JAKMIP2: variants seen among roughly 807,000 people sequenced by gnomAD.
The protein encoded by JAKMIP2 is janus kinase and microtubule interacting protein 2, also known as janus kinase and microtubule-interacting protein 2.
Under a neutral mutation model 115.0 loss-of-function variants are expected in JAKMIP2, and 25 were observed. That is an observed-to-expected ratio of 0.22 (90% confidence interval 0.16 to 0.30). JAKMIP2 has a LOEUF of 0.30. Ranked by LOEUF, JAKMIP2 falls within the 10% of genes least tolerant of loss-of-function variation. The pLI is 1.00. For missense variants in JAKMIP2, 642 were observed against 957.6 expected, an observed-to-expected ratio of 0.67 and a Z score of 4.35; for synonymous variants, 334 against 343.6, an observed-to-expected ratio of 0.97 and a Z score of 0.31.
At chr5:147,729,683 A>G (rs1753653129) in intron 1 of JAKMIP2, among the ~76,000 whole-genome samples, 1 of 151,514 alleles carries the variant, frequency 6.6e-6, no homozygotes, top group Admixed American at 6.6e-5. Context: ...CTGAGGCAGG[A>G]GAATGGTGTG....
intron 14 of JAKMIP2, 106 bp downstream of exon 14, chr5:147,631,307 A>C: frequency 3.2e-6 from 2 of 619,036 alleles, no homozygotes; most frequent in East Asian, 2.8e-5. Context: ...TATCAAAATG[A>C]TGACATCCAG....
intron 1 of JAKMIP2, among the ~76,000 whole-genome samples, chr5:147,763,349 GA>G (rs1461715040): frequency 1.3e-5 from 2 of 152,114 alleles, no homozygotes; most frequent in African/African-American, 4.8e-5. Flanking sequence ...AACACAGACA[GA>G]AGACAGGGAA....
chr5:147,743,999 T>TTCC (rs1754251536), intron 1 of JAKMIP2, among the ~76,000 whole-genome samples: 9 of 111,984 alleles, frequency 8.0e-5, no homozygotes, highest in Non-Finnish European at 1.3e-4. Flanking sequence ...TCCTAACTTC[T>TTCC]TTCCTTCCTT....
chr5:147,767,139 A>T (rs1755184169), intron 1 of JAKMIP2, among the ~76,000 whole-genome samples: 1 of 152,198 alleles, frequency 6.6e-6, no homozygotes, highest in Admixed American at 6.5e-5. Context: ...TACAGCTTGA[A>T]TTTAATGACC....
intron 1 of JAKMIP2, among the ~76,000 whole-genome samples, chr5:147,764,344 A>T (rs77407180): frequency 0.01 from 1,584 of 152,202 alleles, 28 homozygotes; most frequent in African/African-American, 0.037. Flanking sequence ...CACAAGTATG[A>T]CAGGAATTCA....
At chr5:147,602,602 C>G (rs1333162341) in intron 20 of JAKMIP2, among the ~76,000 whole-genome samples, 1 of 152,142 alleles carries the variant, frequency 6.6e-6, no homozygotes, top group Non-Finnish European at 1.5e-5. Flanking sequence ...ACTTGAGAAA[C>G]AGATAATTGG....
Position 147,641,711 on chromosome 5 carries a change from A to T in JAKMIP2, c.1278T>A (p.Ile426=). The T allele has an allele frequency of 6.2e-7, 1 of 1,610,264 alleles. No individual in the cohort carries two copies. Among genetic ancestry groups the T allele is most frequent in the Non-Finnish European group, 8.5e-7 (1 of 1,176,754 alleles). ...GATAACTTTGATTTCTTATTACCTT[A>T]ATTGGCTTGGAACTTCTTCTATGCT... The part of the protein sequence containing the change: ...RRKHRRSSKP[I]KRPVLDPFIG... The change falls in exon 8 of 22, where the codon ATT becomes ATA. Residue 426 remains isoleucine (I), a synonymous_variant. Transcript: ENST00000616793.
chr5:147,637,934 T>C (rs1354278011), intron 10 of JAKMIP2, among the ~76,000 whole-genome samples: 19 of 151,998 alleles, frequency 1.3e-4, no homozygotes, highest in Non-Finnish European at 2.9e-5. Flanking sequence ...ACAATCTGGA[T>C]AGGTTTTTTA....
intron 1 of JAKMIP2, among the ~76,000 whole-genome samples, chr5:147,688,553 AT>A (rs1389080980): frequency 6.6e-6 from 1 of 152,202 alleles, no homozygotes; most frequent in African/African-American, 2.4e-5. Context: ...AGTCATTAAT[AT>A]TTCCCTTTTA....
intron 19 of JAKMIP2, among the ~76,000 whole-genome samples, chr5:147,614,087 C>T (rs765580495): frequency 6.6e-5 from 10 of 152,156 alleles, no homozygotes; most frequent in Non-Finnish European, 1.5e-5. Flanking sequence ...ACTATATGGA[C>T]AAAATCATGA....
chr5:147,598,273 A>C (rs1755498887), intron 21 of JAKMIP2, among the ~76,000 whole-genome samples: 1 of 152,180 alleles, frequency 6.6e-6, no homozygotes, highest in African/African-American at 2.4e-5. Flanking sequence ...TGCTGGGATT[A>C]CAGGCGTGAG....
At chr5:147,628,386 G>A (rs1354453996) in intron 16 of JAKMIP2, among the ~76,000 whole-genome samples, 2 of 152,112 alleles carry the variant, frequency 1.3e-5, no homozygotes, top group Non-Finnish European at 2.9e-5. Context: ...ACACACCCCA[G>A]GATAAGTCTA....
At chr5:147,664,668 C>T (rs148148777) in intron 2 of JAKMIP2, among the ~76,000 whole-genome samples, 132 of 152,220 alleles carry the variant, frequency 8.7e-4, no homozygotes, top group African/African-American at 2.9e-3. Flanking sequence ...TCCTTAGTAG[C>T]GGTTTTCACA....
rs542308373 is a variant in JAKMIP2 at position 147,713,258 on chromosome 5, G to A, written c.-148-41304C>T. Among the ~76,000 whole-genome samples, 16 of 152,170 alleles carry A rather than the reference G, an allele frequency of 1.1e-4. No homozygotes were observed. In the East Asian group the frequency reaches 2.7e-3, roughly 26 times the overall value. On this transcript the variant is annotated intron_variant, in intron 1 of 21. Coordinates refer to ENST00000616793, the MANE Select transcript of JAKMIP2 (RefSeq NM_001270941.2). ...ATTTCTTTGACAGTTTATGAACCAG[G>A]AAGACTTTTTTGTAAGTGTGAGCCT...
chr5:147,627,676 T>TG lies in JAKMIP2; in HGVS notation c.1995+1074dup, dbSNP rs1227055659. The stretch of plus-strand genomic sequence containing the variant: ...GTATCTCTAACAGATAAAGCCTTTC[T>TG]GTAAAAAAAAAAAAAAAAAAAAAAA... On this transcript the variant is annotated intron_variant, in intron 16 of 21. Coordinates refer to ENST00000616793, the MANE Select transcript of JAKMIP2 (RefSeq NM_001270941.2). Among the ~76,000 whole-genome samples, 18 of 74,644 alleles carry TG rather than the reference T, an allele frequency of 2.4e-4. No homozygotes were observed. In the East Asian group the frequency reaches 4.7e-3, roughly 20 times the overall value. The allele number at this position is 74,644 out of a possible 152,430, so 49.0% of individuals were successfully genotyped here.
chr5:147,734,471 G>T (rs549576372), intron 1 of JAKMIP2, among the ~76,000 whole-genome samples: 5 of 148,378 alleles, frequency 3.4e-5, no homozygotes, highest in Non-Finnish European at 7.5e-5. Context: ...ATGGACAGAG[G>T]GGGGAACATC....
intron 3 of JAKMIP2, among the ~76,000 whole-genome samples, chr5:147,651,461 C>T (rs576850223): frequency 6.6e-6 from 1 of 152,248 alleles, no homozygotes; most frequent in Admixed American, 6.5e-5. Context: ...TGGGTGAAAC[C>T]TTTCTTATCG....
At chr5:147,689,431 C>A (rs549040771) in intron 1 of JAKMIP2, among the ~76,000 whole-genome samples, 2 of 152,216 alleles carry the variant, frequency 1.3e-5, no homozygotes, top group African/African-American at 4.8e-5. Context: ...TGGAATTAAG[C>A]GGACTGGTTT....
chr5:147,704,784 A>G (rs1752502275), intron 1 of JAKMIP2, among the ~76,000 whole-genome samples: 1 of 152,158 alleles, frequency 6.6e-6, no homozygotes, highest in Admixed American at 6.6e-5. Context: ...TACTGTGGTT[A>G]TTCTGATTTT....
Sources: allele counts gnomAD v4.1 joint callset (sites outside exome capture counted in the v4.1 genomes callset), GRCh38; gene constraint gnomAD v4.1.1; transcripts MANE v1.5; gene names NCBI Gene and HGNC (gene_info 2026-07-23, HGNC 2026-07-21).